The following CYP7B1 variants were observed in gnomAD, a reference collection of about 807,000 sequenced individuals.
The protein encoded by CYP7B1 is cytochrome P450 7B1.
A neutral mutation model predicts 42.7 loss-of-function variants in CYP7B1; 29 were observed. The ratio of observed to expected loss-of-function variants is 0.68; its 90% CI spans 0.51 to 0.93. The LOEUF (loss-of-function observed/expected upper bound fraction) is 0.93. Ranked by LOEUF, CYP7B1 falls within the 40% of genes least tolerant of loss-of-function variation. CYP7B1 has a pLI of 0.00. For synonymous variants in CYP7B1, 235 were observed against 218.2 expected, an observed-to-expected ratio of 1.08 and a Z score of -0.68; for missense variants, 655 against 600.5, an observed-to-expected ratio of 1.09 and a Z score of -0.95.
At chr8:64,742,165 G>C (rs1266596020) in intron 1 of CYP7B1, among the ~76,000 whole-genome samples, 1 of 151,844 alleles carries the variant, frequency 6.6e-6, no homozygotes, top group Non-Finnish European at 1.5e-5. Context: ...ATTATGATCT[G>C]TACTGTCAAT....
At chr8:64,619,356 C>G (rs1306178983) in intron 2 of CYP7B1, among the ~76,000 whole-genome samples, 3 of 152,122 alleles carry the variant, frequency 2.0e-5, no homozygotes, top group Non-Finnish European at 4.4e-5. Context: ...GGCATGTTAC[C>G]TAGTTTACAA....
chr8:64,700,563 TG>T (rs1434986773), intron 1 of CYP7B1, among the ~76,000 whole-genome samples: 2 of 152,170 alleles, frequency 1.3e-5, no homozygotes, highest in Non-Finnish European at 2.9e-5. Flanking sequence ...ATATATCTTT[TG>T]TTCTACTTAC....
At chr8:64,597,044 A>G (rs1805130570) in intron 5 of CYP7B1, 115 bp from the exon 6 acceptor site, 2 of 905,554 alleles carry the variant, frequency 2.2e-6, no homozygotes, top group Non-Finnish European at 3.2e-6. Context: ...AATCAGGTGA[A>G]CACCAGAAAA....
At chr8:64,772,604 G>GCA (rs1364759626) in intron 1 of CYP7B1, among the ~76,000 whole-genome samples, 2 of 151,998 alleles carry the variant, frequency 1.3e-5, no homozygotes, top group African/African-American at 4.8e-5. Flanking sequence ...ACACACAGGC[G>GCA]CACACGCACA....
At chr8:64,792,972 A>G (rs2129727700) in intron 1 of CYP7B1, among the ~76,000 whole-genome samples, 1 of 152,290 alleles carries the variant, frequency 6.6e-6, no homozygotes, top group East Asian at 1.9e-4. Flanking sequence ...ATTATCCTAA[A>G]CTACCTATGT....
chr8:64,798,294 A>G (rs556875465), intron 1 of CYP7B1, among the ~76,000 whole-genome samples, 172 bp downstream of exon 1: 72 of 152,362 alleles, frequency 4.7e-4, no homozygotes, highest in Non-Finnish European at 1.9e-4. Flanking sequence ...TGTGTGGGAA[A>G]AAGACAGAAG....
chr8:64,774,530 A>T (rs1804288788), intron 1 of CYP7B1, among the ~76,000 whole-genome samples: 2 of 128,388 alleles, frequency 1.6e-5, no homozygotes. Context: ...GGGATCAAGT[A>T]AAAAAAAACT....
chr8:64,638,848 TGTGTGTGCATGA>T (rs1805812747), intron 1 of CYP7B1, among the ~76,000 whole-genome samples: 1 of 151,992 alleles, frequency 6.6e-6, no homozygotes, highest in Non-Finnish European at 1.5e-5. Context: ...TGTGTGCCTG[TGTGTGTGCATGA>T]ACATGTATAT....
rs117315044 is a variant in CYP7B1, at chr8:64,790,025, G to A, written c.122+8441C>T. The stretch of plus-strand genomic sequence containing the variant: ...CTGTGGTGACCACTGAGCAGTCTAC[G>A]GAACCTAGCTGAGTCACATTTGTCA... On this transcript the variant is annotated intron_variant, in intron 1 of 5. Coordinates refer to ENST00000310193, the MANE Select transcript of CYP7B1 (RefSeq NM_004820.5). Among the ~76,000 whole-genome samples the A allele has an allele frequency of 3.0e-3, 464 of 152,152 alleles. 2 individuals are homozygous for A. Among genetic ancestry groups the A allele is most frequent in the South Asian group, 5.2e-3 (25 of 4,814 alleles).
chr8:64,779,455 A>G (rs1371838497), intron 1 of CYP7B1, among the ~76,000 whole-genome samples: 2 of 152,142 alleles, frequency 1.3e-5, no homozygotes, highest in Non-Finnish European at 2.9e-5. Flanking sequence ...ACTGTAAAAA[A>G]TATAAAAAGG....
At chr8:64,789,471 AC>A (rs1804582672) in intron 1 of CYP7B1, among the ~76,000 whole-genome samples, 1 of 152,160 alleles carries the variant, frequency 6.6e-6, no homozygotes, top group South Asian at 2.1e-4. Context: ...TATAATTCAT[AC>A]CTACTCCAAA....
intron 1 of CYP7B1, among the ~76,000 whole-genome samples, chr8:64,695,515 T>A (rs1806810946): frequency 6.6e-6 from 1 of 152,274 alleles, no homozygotes; most frequent in Middle Eastern, 3.4e-3. Context: ...AAATCTCTGT[T>A]ATTTTAAGGA....
At chr8:64,776,468 T>A (rs186264742) in intron 1 of CYP7B1, among the ~76,000 whole-genome samples, 53 of 152,298 alleles carry the variant, frequency 3.5e-4, no homozygotes, top group African/African-American at 1.2e-3. Flanking sequence ...ACACAGGGCA[T>A]GAGATGTCCC....
chr8:64,658,864 C>T (rs1237478216), intron 1 of CYP7B1, among the ~76,000 whole-genome samples: 1 of 152,140 alleles, frequency 6.6e-6, no homozygotes, highest in African/African-American at 2.4e-5. Flanking sequence ...TTCGTCAATT[C>T]CCTCTTTCAA....
At chr8:64,651,538 A>G (rs1806038870) in intron 1 of CYP7B1, among the ~76,000 whole-genome samples, 1 of 152,264 alleles carries the variant, frequency 6.6e-6, no homozygotes, top group East Asian at 1.9e-4. Flanking sequence ...TCCTGCTATG[A>G]GCTGAATGTT....
chr8:64,724,209 G>T (rs760895514), intron 1 of CYP7B1, among the ~76,000 whole-genome samples: 1 of 151,942 alleles, frequency 6.6e-6, no homozygotes, highest in Non-Finnish European at 1.5e-5. Context: ...GCGCAATCTC[G>T]ATACACTGCA....
intron 2 of CYP7B1, among the ~76,000 whole-genome samples, chr8:64,616,948 C>A (rs927866312): frequency 3.3e-5 from 5 of 152,144 alleles, no homozygotes; most frequent in Non-Finnish European, 5.9e-5. Flanking sequence ...TTCAGGAAGT[C>A]ATTCACCATT....
chr8:64,693,770 C>CGT (rs536577682), intron 1 of CYP7B1, among the ~76,000 whole-genome samples: 1 of 151,922 alleles, frequency 6.6e-6, no homozygotes, highest in Admixed American at 6.6e-5. Context: ...CACATATATA[C>CGT]GTGTGTGTGT....
chr8:64,624,563 A>G, intron 1 of CYP7B1, 24 bp from the exon 2 acceptor site: 2 of 1,610,192 alleles, frequency 1.2e-6, no homozygotes, highest in African/African-American at 2.7e-5. Context: ...AAAAAAGATA[A>G]AAGAACAAAA....
Sources: gnomAD v4.1 joint callset for allele counts (sites outside exome capture counted in the v4.1 genomes callset) on GRCh38, gnomAD v4.1.1 for gene constraint, MANE v1.5 for transcripts, NCBI Gene and HGNC (gene_info 2026-07-23, HGNC 2026-07-21) for gene names.